The following DPEP1 variants were observed in gnomAD, a reference collection of about 807,000 sequenced individuals.
DPEP1 encodes the protein dipeptidase 1.
Under a neutral mutation model 42.3 loss-of-function variants are expected in DPEP1, and 50 were observed. The ratio of observed to expected loss-of-function variants is 1.18; its 90% CI spans 0.94 to 1.50. The LOEUF is 1.50. DPEP1 is among the 40% of genes most tolerant of loss of function. DPEP1 has a pLI of 0.00. For missense variants in DPEP1, 663 were observed against 553.0 expected, an observed-to-expected ratio of 1.20 and a Z score of -1.99; for synonymous variants, 297 against 234.0, an observed-to-expected ratio of 1.27 and a Z score of -2.46.
chr16:89,640,733 C>A, downstream of DPEP1: 1 of 701,404 alleles, frequency 1.4e-6, no homozygotes, highest in Non-Finnish European at 1.8e-6. Context: ...ATTTTATTAA[C>A]AGTATTTGTA....
At position 89,638,257 on chromosome 16, in the gene DPEP1, G is replaced by T; in HGVS notation, c.*35G>T. 1 of 1,494,242 alleles carries T rather than the reference G, an allele frequency of 6.7e-7. No individual in the cohort carries two copies. Among genetic ancestry groups the T allele is most frequent in the Non-Finnish European group, 8.9e-7 (1 of 1,119,048 alleles). 92.6% of individuals were successfully genotyped at this position (1,494,242 alleles called of 1,614,324 possible). A position where few individuals can be genotyped will look rare whatever the true frequency, so the allele number is the denominator to read the frequency against. On this transcript the variant is annotated 3_prime_UTR_variant, in exon 11 of 11. Transcript: ENST00000690203. The stretch of plus-strand genomic sequence containing the variant: ...GACCAGAGTCCCCTTTAGGGTTCCC[G>T]GAGCTCCGGGAAGACCCGCCCATCC...
intron 1 of DPEP1, 38 bp from the exon 2 acceptor site, chr16:89,630,267 A>G (rs1487530677): frequency 5.2e-6 from 3 of 571,830 alleles, no homozygotes; most frequent in African/African-American, 3.9e-5. Flanking sequence ...GCCACCTGTC[A>G]TCACTTCCAC....
intron 2 of DPEP1, among the ~76,000 whole-genome samples, chr16:89,634,405 C>T (rs1038429657): frequency 1.3e-5 from 2 of 152,090 alleles, no homozygotes; most frequent in South Asian, 2.1e-4. Context: ...GCATTCCTAA[C>T]GACAGTGGAT....
At chr16:89,630,579 G>C in intron 2 of DPEP1, 65 bp downstream of exon 2, 1 of 294,334 alleles carries the variant, frequency 3.4e-6, no homozygotes, top group African/African-American at 2.7e-5. Context: ...GGGAGAGCGG[G>C]GCTGGGGGAG....
At chr16:89,638,490 G>C, downstream of DPEP1, 4 of 1,278,470 alleles carry the variant, frequency 3.1e-6, no homozygotes, top group Non-Finnish European at 4.0e-6. Context: ...TTGTGAAAAT[G>C]GCTCCTGGTT....
At chr16:89,624,398 G>A (rs756806391) in intron 1 of DPEP1, among the ~76,000 whole-genome samples, 2 of 152,124 alleles carry the variant, frequency 1.3e-5, no homozygotes, top group Admixed American at 6.6e-5. Context: ...TGTCCTCGGC[G>A]TTTGAACAAA....
chr16:89,618,965 C>T (rs56161008), intron 1 of DPEP1, among the ~76,000 whole-genome samples: 44 of 5,058 alleles, frequency 8.7e-3, no homozygotes, highest in East Asian at 0.013. Flanking sequence ...TCCCTGCAGC[C>T]CCCCTGCCCC....
Position 89,638,346 on chromosome 16 carries a change from G to T in DPEP1, c.*124G>T, listed in dbSNP as rs755818608. ...AAGGACCAGCATCTCCTGAGAGGAC[G>T]CCTGGGCTTACCTGGGGGGCAGGAT... On this transcript the variant is annotated 3_prime_UTR_variant, in exon 11 of 11. Transcript: ENST00000690203. 2.5e-5 allele frequency: 36 copies of T among 1,428,998 alleles called. No individual in the cohort carries two copies. The highest frequency in any genetic ancestry group is 2.6e-5 in the Non-Finnish European group (29 of 1,095,734). The allele number at this position is 1,428,998 out of a possible 1,614,324, so 88.5% of individuals were successfully genotyped here. A position where few individuals can be genotyped will look rare whatever the true frequency, so the allele number is the denominator to read the frequency against.
At chr16:89,635,784 C>T in intron 2 of DPEP1, 124 bp from the exon 3 acceptor site, 1 of 1,350,656 alleles carries the variant, frequency 7.4e-7, no homozygotes, top group Non-Finnish European at 9.8e-7. Context: ...GCGGCCTAGA[C>T]TTCAGTCCTG....
intron 1 of DPEP1, among the ~76,000 whole-genome samples, chr16:89,626,793 T>C (rs62068714): frequency 0.087 from 13,251 of 152,114 alleles, 1,086 homozygotes; most frequent in East Asian, 0.29. Context: ...TGTGGAACTG[T>C]GAGTCAATGA....
intron 2 of DPEP1, among the ~76,000 whole-genome samples, chr16:89,633,141 A>G (rs971283969): frequency 1.3e-5 from 2 of 152,172 alleles, no homozygotes; most frequent in African/African-American, 4.8e-5. Flanking sequence ...TGCCCAGTGT[A>G]GGGTTGCACC....
chr16:89,617,179 G>C (rs2059386880), intron 1 of DPEP1, among the ~76,000 whole-genome samples: 1 of 152,150 alleles, frequency 6.6e-6, no homozygotes, highest in Non-Finnish European at 1.5e-5. Flanking sequence ...ATCAAGACAG[G>C]GTGGAGCTAG....
intron 2 of DPEP1, among the ~76,000 whole-genome samples, chr16:89,633,679 G>A (rs946180979): frequency 6.6e-6 from 1 of 151,974 alleles, no homozygotes; most frequent in African/African-American, 2.4e-5. Flanking sequence ...CTGTCCTCAA[G>A]GAGAGCACCA....
At position 89,630,124 on chromosome 16, in the gene DPEP1, G is replaced by A. The variant is rs140112700; in HGVS notation, c.-106-181G>A. Among the ~76,000 whole-genome samples, 477 of 152,316 alleles carry A rather than the reference G, an allele frequency of 3.1e-3. 1 individual carries two copies. Among genetic ancestry groups the A allele is most frequent in the African/African-American group, 0.011 (457 of 41,574 alleles). ...CTCCACCCCTGGGTCTGGGATCCCA[G>A]CTTCTTACTATGCCTCCGCCTAGCC... On this transcript the variant is annotated intron_variant, in intron 1 of 10. Transcript: ENST00000690203.
chr16:89,616,809 A>G (rs1193327805), intron 1 of DPEP1: 1 of 257,138 alleles, frequency 3.9e-6, no homozygotes, highest in South Asian at 3.1e-5. Context: ...AAGCAGGCAG[A>G]AAGCGGCCAG....
rs776581665 is a variant in DPEP1 at position 89,635,956 on chromosome 16, G to T, written c.153G>T (p.Leu51=). The change falls in exon 3 of 11, where the codon CTG becomes CTT. Residue 51 remains leucine (L), a synonymous_variant. Coordinates refer to ENST00000690203, the MANE Select transcript of DPEP1 (RefSeq NM_001389466.1). ...TGCTGGATATGTTCAACAACCGGCT[G>T]CAGGACGAGAGGGCCAACCTGACCA... The part of the protein sequence containing the change: ...WQLLDMFNNR[L]QDERANLTTL... The T allele has an allele frequency of 6.2e-7, 1 of 1,612,034 alleles. No individual in the cohort carries two copies. Among genetic ancestry groups the T allele is most frequent in the Non-Finnish European group, 8.5e-7 (1 of 1,179,634 alleles).
intron 6 of DPEP1, 111 bp from the exon 7 acceptor site, chr16:89,637,093 G>T: frequency 6.5e-7 from 1 of 1,529,802 alleles, no homozygotes; most frequent in Non-Finnish European, 8.8e-7. Context: ...GCCCTGAGTG[G>T]CCCCGGACTT....
chr16:89,614,983 G>T (rs1308787222), intron 1 of DPEP1, among the ~76,000 whole-genome samples: 1 of 152,138 alleles, frequency 6.6e-6, no homozygotes, highest in Non-Finnish European at 1.5e-5. Flanking sequence ...TTCATGGTGA[G>T]GGTCTAGTAG....
At chr16:89,634,668 CCCTTTCCCCTTCCTTCT>C (rs1370901519) in intron 2 of DPEP1, among the ~76,000 whole-genome samples, 6 of 31,774 alleles carry the variant, frequency 1.9e-4, no homozygotes, top group African/African-American at 5.2e-4. Context: ...CCCCTTCCTT[CCCTTTCCCCTTCCTTCT>C]CCTTTCCCTT....
Sources: gnomAD v4.1 joint callset for allele counts (sites outside exome capture counted in the v4.1 genomes callset) on GRCh38, gnomAD v4.1.1 for gene constraint, MANE v1.5 for transcripts, NCBI Gene and HGNC (gene_info 2026-07-23, HGNC 2026-07-21) for gene names.